SAMD12: variants seen among roughly 807,000 people sequenced by gnomAD.
SAMD12 encodes sterile alpha motif domain containing 12, also known as sterile alpha motif domain-containing protein 12.
SAMD12 carries 9 observed loss-of-function variants against 15.0 expected under a neutral mutation model. The observed-to-expected ratio is 0.60, with a 90% CI of 0.36 to 1.05. The LOEUF is 1.05. SAMD12 is among the 50% of genes least tolerant of loss of function. The pLI is 0.01. For missense variants in SAMD12, 230 were observed against 234.2 expected (o/e 0.98, Z 0.12); for synonymous variants, 86 against 90.1 (o/e 0.96, Z 0.25).
At chr8:118,214,707 T>C (rs1811914057) in intron 4 of SAMD12, among the ~76,000 whole-genome samples, 1 of 152,238 alleles carries the variant, frequency 6.6e-6, no homozygotes, top group African/African-American at 2.4e-5. Context: ...TAGTGTTGAA[T>C]TCAATACAAA....
At chr8:118,324,930 A>G (rs1816494109) in intron 4 of SAMD12, among the ~76,000 whole-genome samples, 1 of 152,146 alleles carries the variant, frequency 6.6e-6, no homozygotes, top group Admixed American at 6.6e-5. Flanking sequence ...TGGCTATTCA[A>G]TCTGTATTTG....
At chr8:118,538,321 A>G (rs1417074534) in intron 2 of SAMD12, among the ~76,000 whole-genome samples, 1 of 152,136 alleles carries the variant, frequency 6.6e-6, no homozygotes, top group Non-Finnish European at 1.5e-5. Flanking sequence ...GCACAGCCCT[A>G]GGACTTGCCC....
the SAMD12 span, among the ~76,000 whole-genome samples, chr8:118,157,475 C>T: frequency 4.4e-3 from 671 of 152,204 alleles, 7 homozygotes; most frequent in African/African-American, 0.013. Flanking sequence ...ATTGCTGAAG[C>T]AAAAATGGCA....
Position 118,284,464 on chromosome 8 carries a change from T to A in SAMD12, c.434-86732A>T, listed in dbSNP as rs557096573. Reference sequence around the variant, plus strand: ...CCTGATATATCCCTGTCCCCTTTAATCTTCATACACAAAGAATCTGAAATA... The same window carrying A: ...CCTGATATATCCCTGTCCCCTTTAAACTTCATACACAAAGAATCTGAAATA... On this transcript the variant is annotated intron_variant, in intron 4 of 4. Transcript: ENST00000409003. The A allele has an allele frequency of 3.1e-5, 13 of 421,870 alleles. No homozygotes were observed. In the East Asian group the frequency reaches 5.7e-4, roughly 18 times the overall value. 26.1% of individuals were successfully genotyped at this position (421,870 alleles called of 1,614,324 possible).
chr8:118,514,706 G>GA (rs1053443037), intron 2 of SAMD12, among the ~76,000 whole-genome samples: 79 of 152,332 alleles, frequency 5.2e-4, no homozygotes, highest in African/African-American at 1.8e-3. Flanking sequence ...TTGTAGCATG[G>GA]ACAAGTGGTG....
chr8:118,473,922 T>C (rs1156885506), intron 2 of SAMD12, among the ~76,000 whole-genome samples: 2 of 152,108 alleles, frequency 1.3e-5, no homozygotes, highest in Non-Finnish European at 2.9e-5. Flanking sequence ...CTTGGTTATA[T>C]CCCCACACAG....
intron 4 of SAMD12, among the ~76,000 whole-genome samples, chr8:118,251,827 G>A (rs1030180264): frequency 6.6e-6 from 1 of 151,892 alleles, no homozygotes; most frequent in African/African-American, 2.4e-5. Flanking sequence ...AGCCAAGAGC[G>A]GGCATCATCT....
At chr8:118,192,305 T>TAGCAC (rs1819428431) in exon 5 of SAMD12, 3 of 152,186 alleles carry the variant, frequency 2.0e-5, no homozygotes, top group Non-Finnish European at 2.9e-5. Flanking sequence ...CTACATTTGG[T>TAGCAC]AGATGTGTCT....
the SAMD12 span, among the ~76,000 whole-genome samples, chr8:118,140,318 C>T: frequency 2.0e-5 from 3 of 151,996 alleles, no homozygotes; most frequent in African/African-American, 7.3e-5. Flanking sequence ...GTTGCCCAGA[C>T]TGGAGTAGAG....
chr8:118,255,130 G>A (rs1362620194), intron 4 of SAMD12, among the ~76,000 whole-genome samples: 5 of 151,952 alleles, frequency 3.3e-5, no homozygotes, highest in Non-Finnish European at 7.4e-5. Context: ...TACAGACCGT[G>A]GGGGCAGACT....
In SAMD12 at chr8:118,435,052, G is replaced by A. The variant is rs1256887224; in HGVS notation, c.322+4780C>T. ...CGGGAGGCGGAGCTTGCAGTGAGCC[G>A]AGATCCCGCCACTGCACTCCAGCCT... is the stretch of plus-strand genomic sequence containing the variant. On this transcript the variant is annotated intron_variant, in intron 3 of 3. Transcript: ENST00000314727. 8.1e-5 allele frequency among the ~76,000 whole-genome samples: 2 copies of A among 24,574 alleles called. 1 individual carries two copies. Among genetic ancestry groups the A allele is most frequent in the Non-Finnish European group, 2.6e-4 (2 of 7,668 alleles). 16.1% of individuals were successfully genotyped at this position (24,574 alleles called of 152,430 possible).
the SAMD12 span, among the ~76,000 whole-genome samples, chr8:118,161,501 G>T: frequency 6.7e-6 from 1 of 150,198 alleles, no homozygotes; most frequent in Admixed American, 6.7e-5. Flanking sequence ...GTTCAAGGAT[G>T]CAGTGAGCCG....
At chr8:118,519,143 G>GCTA (rs1280702038) in intron 2 of SAMD12, among the ~76,000 whole-genome samples, 1 of 152,204 alleles carries the variant, frequency 6.6e-6, no homozygotes, top group Non-Finnish European at 1.5e-5. Flanking sequence ...CTGAGAGGTA[G>GCTA]CACTGGCTTG....
intron 4 of SAMD12, among the ~76,000 whole-genome samples, chr8:118,279,510 G>A (rs1008354750): frequency 1.3e-5 from 2 of 152,156 alleles, no homozygotes; most frequent in African/African-American, 2.4e-5. Flanking sequence ...ACATGGTTAC[G>A]TGAGAAGTGA....
intron 2 of SAMD12, among the ~76,000 whole-genome samples, chr8:118,474,590 T>C (rs543984519): frequency 1.3e-5 from 2 of 152,076 alleles, no homozygotes; most frequent in East Asian, 3.9e-4. Context: ...TTTCACCATG[T>C]TGGTCAGGCT....
At chr8:118,299,486 T>C (rs1247895496) in intron 4 of SAMD12, among the ~76,000 whole-genome samples, 1 of 152,214 alleles carries the variant, frequency 6.6e-6, no homozygotes, top group Non-Finnish European at 1.5e-5. Context: ...GGGAGAATTC[T>C]GTCCCAATCA....
chr8:118,260,877 C>G (rs1027255041), intron 4 of SAMD12, among the ~76,000 whole-genome samples: 1 of 152,098 alleles, frequency 6.6e-6, no homozygotes, highest in African/African-American at 2.4e-5. Flanking sequence ...ACTGCACCAT[C>G]TTTTGTGACT....
intron 2 of SAMD12, among the ~76,000 whole-genome samples, chr8:118,448,173 C>A (rs1290055348): frequency 6.6e-6 from 1 of 152,108 alleles, no homozygotes; most frequent in Admixed American, 6.5e-5. Flanking sequence ...TGGCTAATAC[C>A]CTCACTTCTT....
At chr8:118,311,716 G>A (rs764173966) in intron 4 of SAMD12, among the ~76,000 whole-genome samples, 14 of 152,034 alleles carry the variant, frequency 9.2e-5, no homozygotes, top group African/African-American at 1.4e-4. Context: ...TTCTTCTTCC[G>A]TCTCTGCAGC....
Sources: gnomAD v4.1 joint callset for allele counts (sites outside exome capture counted in the v4.1 genomes callset) on GRCh38, gnomAD v4.1.1 for gene constraint, MANE v1.5 for transcripts, NCBI Gene and HGNC (gene_info 2026-07-23, HGNC 2026-07-21) for gene names.